OTOF: variants seen among roughly 807,000 people sequenced by gnomAD.
OTOF encodes the protein fer-1-like family member 2.
In OTOF, 218 loss-of-function variants were observed where a neutral mutation model predicts 236.8. The observed-to-expected ratio is 0.92, with a 90% CI of 0.82 to 1.03. The LOEUF (loss-of-function observed/expected upper bound fraction) is 1.03. OTOF is among the 50% of genes least tolerant of loss of function. The probability of loss-of-function intolerance (pLI) is 0.00; values close to 1 mark genes in which losing one functional copy is unlikely to be tolerated. For missense variants in OTOF, 2,590 were observed against 2,694.4 expected, an observed-to-expected ratio of 0.96 and a Z score of 0.86; for synonymous variants, 1,041 against 1,072.5, an observed-to-expected ratio of 0.97 and a Z score of 0.57.
chr2:26,510,677 T>C lies in OTOF; in HGVS notation c.509+5741A>G, dbSNP rs79003156. ...GCCTCTGTCTCCCCAGAGACGCTGT[T>C]GCGTCTGCCCTCGCCTGGGACACCT... On this transcript the variant is annotated intron_variant, in intron 5 of 46. Coordinates refer to ENST00000272371, the MANE Select transcript of OTOF (RefSeq NM_194248.3). 4.8e-3 allele frequency: 6,150 copies of C among 1,275,928 alleles called. 241 individuals are homozygous for C. In the African/African-American group the frequency reaches 0.085, roughly 18 times the overall value. 79.0% of individuals were successfully genotyped at this position (1,275,928 alleles called of 1,614,324 possible).
rs543832088 is a variant in OTOF at position 26,553,370 on chromosome 2, C to G, written c.79+5123G>C. 1.4e-4 allele frequency among the ~76,000 whole-genome samples: 22 copies of G among 152,314 alleles called. 1 individual carries two copies. In the South Asian group the frequency reaches 4.4e-3, roughly 30 times the overall value. ...CACCAATTCCTCACTTCCTGCATCT[C>G]CATAGGTACAAACAGGGGCAGTTTT... On this transcript the variant is annotated intron_variant, in intron 1 of 46. Coordinates refer to ENST00000272371, the MANE Select transcript of OTOF (RefSeq NM_194248.3).
chr2:26,539,922 T>G (rs1667170313), intron 1 of OTOF, among the ~76,000 whole-genome samples: 1 of 152,156 alleles, frequency 6.6e-6, no homozygotes, highest in South Asian at 2.1e-4. Context: ...TTTTTGCAAT[T>G]GAAAGACAAA....
chr2:26,518,935 T>G (rs1382814275), intron 4 of OTOF, 75 bp downstream of exon 4: 1 of 1,024,278 alleles, frequency 9.8e-7, no homozygotes, highest in Non-Finnish European at 1.5e-6. Flanking sequence ...GACCACCCCA[T>G]GTGTGAGGCA....
chr2:26,528,059 C>A, intron 2 of OTOF, 139 bp from the exon 3 acceptor site: 1 of 709,254 alleles, frequency 1.4e-6, no homozygotes. Flanking sequence ...AGGGACAAAG[C>A]ATTGACACCT....
intron 1 of OTOF, among the ~76,000 whole-genome samples, chr2:26,545,051 A>AAAAAG (rs1667298806): frequency 6.6e-6 from 1 of 151,516 alleles, no homozygotes; most frequent in Admixed American, 6.6e-5. Context: ...AAAAAAAAAA[A>AAAAAG]AAAAGAAAAG....
chr2:26,546,573 T>C (rs1667338555), intron 1 of OTOF, among the ~76,000 whole-genome samples: 1 of 152,222 alleles, frequency 6.6e-6, no homozygotes, highest in East Asian at 1.9e-4. Flanking sequence ...CTTTAGCTAT[T>C]CTAGATCATT....
At chr2:26,486,066 G>A (rs12620956) in intron 11 of OTOF, among the ~76,000 whole-genome samples, 33,299 of 152,072 alleles carry the variant, frequency 0.22, 4,108 homozygotes, top group East Asian at 0.6. Context: ...CTGCCTGGCC[G>A]GCTGAGAGAT....
chr2:26,482,332 A>T, intron 14 of OTOF, 74 bp downstream of exon 14: 1 of 1,375,382 alleles, frequency 7.3e-7, no homozygotes, highest in Non-Finnish European at 1.0e-6. Context: ...GTGTGAAGAG[A>T]GGGCATCTCA....
At position 26,477,052 on chromosome 2, in the gene OTOF, TG is replaced by T; in HGVS notation, c.2524-10del. The T allele has an allele frequency of 1.2e-5, 11 of 894,214 alleles. No homozygotes were observed. Among genetic ancestry groups the T allele is most frequent in the Non-Finnish European group, 1.4e-5 (8 of 590,746 alleles). The allele number at this position is 894,214 out of a possible 1,614,324, so 55.4% of individuals were successfully genotyped here. A position where few individuals can be genotyped will look rare whatever the true frequency, so the allele number is the denominator to read the frequency against. Reference sequence around the variant, plus strand: ...GGAATGCTGTGCTGGGGCTGGGGGTTGGGGGGTGGCCAGGGGCAGTGGGTAA... The same window carrying T: ...GGAATGCTGTGCTGGGGCTGGGGGTTGGGGGTGGCCAGGGGCAGTGGGTAA... On this transcript the variant is annotated splice_polypyrimidine_tract_variant and intron_variant, in intron 21 of 46. Transcript: ENST00000272371. The surrounding 1 kb of genome is among the most constrained non-coding windows in gnomAD (Gnocchi z 4.7).
intron 10 of OTOF, among the ~76,000 whole-genome samples, 158 bp downstream of exon 10, chr2:26,489,520 G>T (rs548541882): frequency 6.6e-6 from 1 of 152,308 alleles, no homozygotes; most frequent in Admixed American, 6.5e-5. Flanking sequence ...GGGTGGGTGG[G>T]GGCCAGAATC....
intron 8 of OTOF, among the ~76,000 whole-genome samples, chr2:26,498,128 A>G (rs554873671): frequency 6.6e-6 from 1 of 152,362 alleles, no homozygotes; most frequent in East Asian, 1.9e-4. Context: ...AGGCATGGCC[A>G]TAAGACAGGC....
intron 1 of OTOF, among the ~76,000 whole-genome samples, chr2:26,542,460 T>C (rs1216882743): frequency 6.6e-6 from 1 of 152,168 alleles, no homozygotes; most frequent in Non-Finnish European, 1.5e-5. Context: ...AATTTTGTCA[T>C]TGGCATGCAA....
chr2:26,540,061 G>A (rs1478891691), intron 1 of OTOF, among the ~76,000 whole-genome samples: 1 of 152,106 alleles, frequency 6.6e-6, no homozygotes, highest in African/African-American at 2.4e-5. Context: ...AGCCTCCCAA[G>A]TAGTTGGGAT....
intron 1 of OTOF, among the ~76,000 whole-genome samples, chr2:26,548,920 G>A (rs1667397962): frequency 6.6e-6 from 1 of 152,164 alleles, no homozygotes; most frequent in Non-Finnish European, 1.5e-5. Context: ...ACAGTATGTG[G>A]TCTTTTGTGT....
intron 13 of OTOF, 55 bp downstream of exon 13, chr2:26,483,407 G>T: frequency 6.6e-7 from 1 of 1,524,774 alleles, no homozygotes. Flanking sequence ...CCATCAGCCT[G>T]CCCTTGTGAT....
rs112449573 is a variant in OTOF at position 26,523,182 on chromosome 2, A to G, written c.228-4073T>C. On this transcript the variant is annotated intron_variant, in intron 3 of 46. Coordinates refer to ENST00000272371, the MANE Select transcript of OTOF (RefSeq NM_194248.3). ...CAGGCAGGAGGCTGGAGGCCAGGCC[A>G]TGGACCCTCAGAGGTCCCGGACAGG... 7.5e-3 allele frequency among the ~76,000 whole-genome samples: 1,137 copies of G among 152,370 alleles called. 15 individuals carry two copies. Among genetic ancestry groups the G allele is most frequent in the African/African-American group, 0.025 (1,039 of 41,598 alleles).
intron 5 of OTOF, among the ~76,000 whole-genome samples, chr2:26,512,235 G>A (rs901577310): frequency 2.0e-5 from 3 of 152,164 alleles, no homozygotes; most frequent in Admixed American, 6.5e-5. Flanking sequence ...GCAGAATACT[G>A]GGACTCAGGA....
chr2:26,482,650 T>G, intron 13 of OTOF, 58 bp from the exon 14 acceptor site: 1 of 1,446,582 alleles, frequency 6.9e-7, no homozygotes. Context: ...TGGGTGCATG[T>G]GTGTGTGTGT....
At chr2:26,508,738 C>A (rs963782098) in intron 5 of OTOF, among the ~76,000 whole-genome samples, 1 of 152,184 alleles carries the variant, frequency 6.6e-6, no homozygotes, top group African/African-American at 2.4e-5. Flanking sequence ...AATTTATTTC[C>A]ATTTATCTCT....
Sources: allele counts gnomAD v4.1 joint callset (sites outside exome capture counted in the v4.1 genomes callset), GRCh38; gene constraint gnomAD v4.1.1; non-coding constraint Gnocchi (gnomAD v3.1); transcripts MANE v1.5; gene names NCBI Gene and HGNC (gene_info 2026-07-23, HGNC 2026-07-21).